Variants in AUTS2 observed in about 807,000 individuals in gnomAD.
AUTS2 encodes the protein autism susceptibility gene 2 protein.
In AUTS2, 17 loss-of-function variants were observed where a neutral mutation model predicts 112.4. The observed-to-expected ratio is 0.15, with a 90% confidence interval of 0.10 to 0.23. The LOEUF (loss-of-function observed/expected upper bound fraction) is 0.23. AUTS2 is among the 10% of genes least tolerant of loss of function. The probability of loss-of-function intolerance (pLI) is 1.00; values close to 1 mark genes in which losing one functional copy is unlikely to be tolerated. For synonymous variants in AUTS2, 751 were observed against 702.7 expected (o/e 1.07, Z -1.09); for missense variants, 1,510 against 1,701.6 (o/e 0.89, Z 1.98).
At chr7:70,078,272 C>T (rs190206301) in intron 2 of AUTS2, among the ~76,000 whole-genome samples, 29 of 152,202 alleles carry the variant, frequency 1.9e-4, no homozygotes, top group Admixed American at 1.1e-3. Flanking sequence ...GACTAACAGG[C>T]AGGTAGCATA....
intron 1 of AUTS2, among the ~76,000 whole-genome samples, chr7:69,839,780 C>T (rs1456310683): frequency 4.6e-5 from 7 of 152,050 alleles, no homozygotes; most frequent in Admixed American, 2.0e-4. Context: ...GGTCTGCTAG[C>T]CACCTGCAGT....
chr7:70,291,112 T>A (rs1788688922), intron 4 of AUTS2: 1 of 152,190 alleles, frequency 6.6e-6, no homozygotes, highest in African/African-American at 2.4e-5. Flanking sequence ...GGAAATTAAT[T>A]TTATAACAGT....
chr7:69,795,802 A>G (rs1789816487), intron 1 of AUTS2, among the ~76,000 whole-genome samples: 1 of 152,182 alleles, frequency 6.6e-6, no homozygotes, highest in Admixed American at 6.5e-5. Context: ...TGTATGTACC[A>G]TTGCTGGGTA....
chr7:69,984,015 G>T (rs1012488629), intron 2 of AUTS2, among the ~76,000 whole-genome samples: 2 of 152,034 alleles, frequency 1.3e-5, no homozygotes, highest in Non-Finnish European at 2.9e-5. Context: ...TTTTATGCAG[G>T]AATATGTGGT....
At chr7:69,821,004 G>C (rs140630079) in intron 1 of AUTS2, among the ~76,000 whole-genome samples, 1 of 152,148 alleles carries the variant, frequency 6.6e-6, no homozygotes, top group Admixed American at 6.5e-5. Flanking sequence ...GCTTTATAAC[G>C]TGAGATTCTC....
chr7:70,695,243 G>T (rs1408050240), intron 5 of AUTS2, among the ~76,000 whole-genome samples: 3 of 152,104 alleles, frequency 2.0e-5, no homozygotes, highest in East Asian at 1.9e-4. Flanking sequence ...CGGCCCTGTC[G>T]CCCGCCTTTG....
At chr7:69,976,042 G>A (rs919864801) in intron 2 of AUTS2, among the ~76,000 whole-genome samples, 4 of 152,090 alleles carry the variant, frequency 2.6e-5, no homozygotes, top group Non-Finnish European at 4.4e-5. Flanking sequence ...CCATGTTAAC[G>A]GTTATTAAGT....
rs1289198205 is a variant in AUTS2, at chr7:70,790,779, G to T, written c.3563G>T (p.Gly1188Val). Residue 1188 changes from glycine (G) to valine (V), a missense_variant, in exon 19 of 19, where the codon GGA becomes GTA. By Grantham distance (109) the Gly-to-Val change is moderately radical. Around this residue, in one of 3 missense-constraint regions of AUTS2, gnomAD observed 788 missense variants for 797.6 expected, o/e 0.99. Transcript: ENST00000342771. The surrounding 1 kb of genome is among the most constrained non-coding windows in gnomAD (Gnocchi z 7.6). ...CCCCACCCCAGCCTCATCACCCCGG[G>T]ACTCCCCAGCATGCACTATCCCCGC... ...HLPHPSLITP[G>V]LPSMHYPRIS... 5 of 1,612,330 alleles carry T rather than the reference G, an allele frequency of 3.1e-6. No individual in the cohort carries two copies. The highest frequency in any genetic ancestry group is 1.6e-4 in the Middle Eastern group (1 of 6,080).
chr7:70,187,638 G>T (rs904383015), intron 4 of AUTS2, among the ~76,000 whole-genome samples: 1 of 152,072 alleles, frequency 6.6e-6, no homozygotes, highest in African/African-American at 2.4e-5. Flanking sequence ...TTATAATCAC[G>T]TGAACTTATT....
chr7:69,855,277 A>G (rs916225937), intron 1 of AUTS2, among the ~76,000 whole-genome samples: 3 of 152,182 alleles, frequency 2.0e-5, no homozygotes, highest in Admixed American at 6.5e-5. Flanking sequence ...TACTAAACCA[A>G]TCTTATTGTT....
rs118042407 is a variant in AUTS2 at position 70,551,692 on chromosome 7, C to A, written c.690+115911C>A. On this transcript the variant is annotated intron_variant, in intron 5 of 18. Coordinates refer to ENST00000342771, the MANE Select transcript of AUTS2 (RefSeq NM_015570.4). ...GATACTAAGTACAAATTAAGGAAATCTAAATAAACTATGGACTGAAGTTAG... is the reference window on the plus strand; with the variant it reads ...GATACTAAGTACAAATTAAGGAAATATAAATAAACTATGGACTGAAGTTAG... Among the ~76,000 whole-genome samples the A allele has an allele frequency of 8.9e-3, 1,360 of 152,282 alleles. 13 individuals carry two copies. Among genetic ancestry groups the A allele is most frequent in the Non-Finnish European group, 0.014 (984 of 68,022 alleles).
chr7:70,606,941 T>C (rs1803813538), intron 5 of AUTS2, among the ~76,000 whole-genome samples: 1 of 152,044 alleles, frequency 6.6e-6, no homozygotes, highest in African/African-American at 2.4e-5. Flanking sequence ...GAACACTTTA[T>C]TGTTTCTGTA....
At chr7:70,420,944 A>C (rs1585125332) in intron 4 of AUTS2, among the ~76,000 whole-genome samples, 1 of 152,278 alleles carries the variant, frequency 6.6e-6, no homozygotes, top group East Asian at 1.9e-4. Flanking sequence ...ATAAAGCCAC[A>C]AAAAAATAGT....
chr7:70,066,031 C>G (rs1380409944), intron 2 of AUTS2, among the ~76,000 whole-genome samples: 1 of 152,110 alleles, frequency 6.6e-6, no homozygotes, highest in Non-Finnish European at 1.5e-5. Context: ...CTTATAAGAT[C>G]AGTTGTGTGT....
At chr7:69,910,573 T>C (rs914168975) in intron 2 of AUTS2, among the ~76,000 whole-genome samples, 5 of 152,232 alleles carry the variant, frequency 3.3e-5, no homozygotes, top group African/African-American at 1.2e-4. Flanking sequence ...CTTACGTGGA[T>C]GGTGGCAGGC....
intron 4 of AUTS2, among the ~76,000 whole-genome samples, chr7:70,310,612 TA>T (rs11449648): frequency 2.3e-3 from 330 of 142,436 alleles, no homozygotes; most frequent in Non-Finnish European, 2.3e-3. Flanking sequence ...GACTCTGTCT[TA>T]AAAAAAAAAA....
At chr7:70,613,417 C>G (rs1261628590) in intron 5 of AUTS2, among the ~76,000 whole-genome samples, 1 of 152,016 alleles carries the variant, frequency 6.6e-6, no homozygotes, top group Non-Finnish European at 1.5e-5. Context: ...TGACAGCTTG[C>G]CTACATATTA....
At chr7:69,862,813 A>G (rs971851144) in intron 1 of AUTS2, among the ~76,000 whole-genome samples, 4 of 152,144 alleles carry the variant, frequency 2.6e-5, no homozygotes, top group African/African-American at 7.2e-5. Context: ...ACTTTTCATA[A>G]TGATATGAAA....
chr7:70,197,578 G>A (rs1810255459), intron 4 of AUTS2, among the ~76,000 whole-genome samples: 3 of 103,710 alleles, frequency 2.9e-5, no homozygotes, highest in Non-Finnish European at 5.9e-5. Flanking sequence ...AGAAAGGGGT[G>A]ACGGACGCAC....
Sources: gnomAD v4.1 joint callset for allele counts (sites outside exome capture counted in the v4.1 genomes callset) on GRCh38, gnomAD v4.1.1 for gene constraint, gnomAD v4.1.1 regional missense constraint, Gnocchi (gnomAD v3.1) non-coding constraint, MANE v1.5 for transcripts, NCBI Gene and HGNC (gene_info 2026-07-23, HGNC 2026-07-21) for gene names.